GALNT2: variants seen among roughly 807,000 people sequenced by gnomAD.
GALNT2 encodes the protein polypeptide N-acetylgalactosaminyltransferase 2.
A neutral mutation model predicts 81.4 loss-of-function variants in GALNT2; 31 were observed. The observed-to-expected ratio is 0.38, with a 90% CI of 0.29 to 0.51. The LOEUF (loss-of-function observed/expected upper bound fraction) is 0.51. Ranked by LOEUF, GALNT2 falls within the 20% of genes least tolerant of loss-of-function variation. The probability of loss-of-function intolerance (pLI) is 0.87; values close to 1 mark genes in which losing one functional copy is unlikely to be tolerated. For missense variants in GALNT2, 629 were observed against 765.7 expected (o/e 0.82, Z 2.11); for synonymous variants, 303 against 287.4 (o/e 1.05, Z -0.55).
At chr1:230,267,731 G>A (rs1396965654) in intron 14 of GALNT2, among the ~76,000 whole-genome samples, 3 of 152,236 alleles carry the variant, frequency 2.0e-5, no homozygotes, top group African/African-American at 7.2e-5. Flanking sequence ...GACGAAGCGG[G>A]TGAAAGGAGG....
At chr1:230,080,980 T>C (rs989447517) in intron 1 of GALNT2, among the ~76,000 whole-genome samples, 1 of 152,166 alleles carries the variant, frequency 6.6e-6, no homozygotes, top group Non-Finnish European at 1.5e-5. Context: ...TCACATCACA[T>C]GTGACACGTC....
At chr1:230,147,854 A>C (rs1661970451) in intron 1 of GALNT2, among the ~76,000 whole-genome samples, 1 of 152,224 alleles carries the variant, frequency 6.6e-6, no homozygotes, top group Non-Finnish European at 1.5e-5. Context: ...GGCTTCATGA[A>C]GAGAGCTCGT....
At chr1:230,211,316 G>C (rs1314009367) in intron 3 of GALNT2, among the ~76,000 whole-genome samples, 1 of 152,202 alleles carries the variant, frequency 6.6e-6, no homozygotes, top group Non-Finnish European at 1.5e-5. Context: ...TGTCACAGGT[G>C]GGGACAGGCG....
chr1:230,080,098 T>A (rs1659681110), intron 1 of GALNT2, among the ~76,000 whole-genome samples: 1 of 152,194 alleles, frequency 6.6e-6, no homozygotes, highest in Non-Finnish European at 1.5e-5. Flanking sequence ...GGTTTTAGTT[T>A]AGAGGATTTT....
chr1:230,146,970 G>A (rs1661936894), intron 1 of GALNT2, among the ~76,000 whole-genome samples: 1 of 152,222 alleles, frequency 6.6e-6, no homozygotes, highest in Non-Finnish European at 1.5e-5. Flanking sequence ...TGGGAGTCGT[G>A]GCAGGGGACA....
intron 10 of GALNT2, among the ~76,000 whole-genome samples, chr1:230,251,913 G>T (rs965653280): frequency 6.6e-6 from 1 of 152,078 alleles, no homozygotes; most frequent in South Asian, 2.1e-4. Flanking sequence ...TAGATTTGTT[G>T]TAAGGAGCTG....
chr1:230,140,055 G>A (rs1361894872), intron 1 of GALNT2, among the ~76,000 whole-genome samples: 4 of 152,228 alleles, frequency 2.6e-5, no homozygotes, highest in African/African-American at 9.6e-5. Flanking sequence ...CAGGCTGCCG[G>A]GTCCCTGCGT....
chr1:230,170,153 G>C (rs778355220), intron 1 of GALNT2, among the ~76,000 whole-genome samples: 1 of 152,228 alleles, frequency 6.6e-6, no homozygotes, highest in Non-Finnish European at 1.5e-5. Flanking sequence ...TGCCTAAGTA[G>C]AGGTTTTGGG....
rs1394899237 is a variant in GALNT2 at position 230,193,527 on chromosome 1, G to A, written c.221-9610G>A. ...TGTGCGTGCGCCTCTGTGTGCTGGG[G>A]TCTTCATGTGCTTTGTGATGTTAAT... On this transcript the variant is annotated intron_variant, in intron 2 of 15. Coordinates refer to ENST00000366672, the MANE Select transcript of GALNT2 (RefSeq NM_004481.5). This position sits in a 1 kb window ranked among gnomAD's most constrained non-coding sequence, Gnocchi z 4.3. Among the ~76,000 whole-genome samples the A allele has an allele frequency of 1.3e-5, 2 of 152,000 alleles. No individual in the cohort carries two copies. Among genetic ancestry groups the A allele is most frequent in the Non-Finnish European group, 2.9e-5 (2 of 68,002 alleles).
intron 3 of GALNT2, among the ~76,000 whole-genome samples, chr1:230,231,895 C>T (rs138943404): frequency 6.6e-6 from 1 of 152,278 alleles, no homozygotes; most frequent in Non-Finnish European, 1.5e-5. Context: ...TTCTAGCCTG[C>T]GTCGTCTGGT....
chr1:230,169,426 A>G (rs115766744), intron 1 of GALNT2, among the ~76,000 whole-genome samples: 2 of 152,230 alleles, frequency 1.3e-5, no homozygotes, highest in African/African-American at 2.4e-5. Context: ...ATGCCAGTGC[A>G]TTTGCAAACT....
At chr1:230,274,599 T>C in intron 15 of GALNT2, 35 bp downstream of exon 15, 1 of 1,612,524 alleles carries the variant, frequency 6.2e-7, no homozygotes, top group Non-Finnish European at 8.5e-7. Context: ...TGCCCGTGAT[T>C]AACCCAGACC....
At position 230,226,392 on chromosome 1, in the gene GALNT2, G is replaced by GT. The variant is rs369889018; in HGVS notation, c.375-9621dup. Among the ~76,000 whole-genome samples, 447 of 152,302 alleles carry GT rather than the reference G, an allele frequency of 2.9e-3. 2 individuals are homozygous for GT. Among genetic ancestry groups the GT allele is most frequent in the African/African-American group, 0.01 (427 of 41,566 alleles). On this transcript the variant is annotated intron_variant, in intron 3 of 15. Coordinates refer to ENST00000366672, the MANE Select transcript of GALNT2 (RefSeq NM_004481.5). ...ACCCTCCCCCTGCCACCGAATATCT[G>GT]TATATGAATGGAGAAATGGGCTAGC...
At chr1:230,194,389 C>G (rs921795381) in intron 2 of GALNT2, among the ~76,000 whole-genome samples, 2 of 152,208 alleles carry the variant, frequency 1.3e-5, no homozygotes, top group Non-Finnish European at 2.9e-5. Flanking sequence ...GGGCCCCCTT[C>G]TCCTGCAGGG....
chr1:230,196,710 C>T (rs1422994180), intron 2 of GALNT2, among the ~76,000 whole-genome samples: 1 of 152,142 alleles, frequency 6.6e-6, no homozygotes, highest in East Asian at 1.9e-4. Flanking sequence ...CCCCGCTTCT[C>T]CTCATCCCAT....
upstream of GALNT2, among the ~76,000 whole-genome samples, chr1:230,065,012 C>T (rs776642370): frequency 6.6e-6 from 1 of 152,182 alleles, no homozygotes; most frequent in Non-Finnish European, 1.5e-5. Flanking sequence ...ATGGAAGTCA[C>T]TTTTGACATG....
At chr1:230,135,230 C>T (rs932339624) in intron 1 of GALNT2, among the ~76,000 whole-genome samples, 1 of 151,530 alleles carries the variant, frequency 6.6e-6, no homozygotes, top group African/African-American at 2.4e-5. Context: ...AGACAGTGTC[C>T]TAGACTCGGG....
intron 3 of GALNT2, 139 bp from the exon 4 acceptor site, chr1:230,235,875 G>T: frequency 1.4e-6 from 1 of 700,180 alleles, no homozygotes; most frequent in Middle Eastern, 2.4e-4. Context: ...CTCAGAACAG[G>T]CCAGGAACTT....
intron 1 of GALNT2, among the ~76,000 whole-genome samples, chr1:230,146,662 T>G (rs1290080822): frequency 6.6e-6 from 1 of 151,906 alleles, no homozygotes; most frequent in Non-Finnish European, 1.5e-5. Context: ...ATTAGTATAG[T>G]AAGATGCATT....
Sources: gnomAD v4.1 joint callset for allele counts (sites outside exome capture counted in the v4.1 genomes callset) on GRCh38, gnomAD v4.1.1 for gene constraint, Gnocchi (gnomAD v3.1) non-coding constraint, MANE v1.5 for transcripts, NCBI Gene and HGNC (gene_info 2026-07-23, HGNC 2026-07-21) for gene names.